The following RASSF1 variants were observed in gnomAD, a reference collection of about 807,000 sequenced individuals.
The protein encoded by RASSF1 is ras association domain-containing protein 1.
In RASSF1, 33 loss-of-function variants were observed where a neutral mutation model predicts 34.3. That is an observed-to-expected ratio of 0.96 (90% CI 0.73 to 1.29). RASSF1 has a LOEUF of 1.29. RASSF1 is among the 50% of genes most tolerant of loss of function. The pLI is 0.00. For missense variants in RASSF1, 445 were observed against 471.8 expected, an observed-to-expected ratio of 0.94 and a Z score of 0.53; for synonymous variants, 191 against 195.0, an observed-to-expected ratio of 0.98 and a Z score of 0.17.
At position 50,340,771 on chromosome 3, in the gene RASSF1, TC is replaced by T; in HGVS notation, c.34del (p.Glu12SerfsTer141). On this transcript the variant is annotated frameshift_variant, in exon 1 of 6. Coordinates refer to ENST00000359365, the MANE Select transcript of RASSF1 (RefSeq NM_007182.5). LOFTEE classifies it high-confidence loss of function. ...CCCAGCGCGCCCAGCGGGTGCCAGC[TC>T]CCGCAGCTCAATGAGCTCAGGCTCC... The part of the protein sequence containing the change: ...SGEPELIELR[E>X]LAPAGRAGKG... 1 of 1,512,980 alleles carries T rather than the reference TC, an allele frequency of 6.6e-7. No homozygotes were observed. The highest frequency in any genetic ancestry group is 8.8e-7 in the Non-Finnish European group (1 of 1,140,528). The allele number at this position is 1,512,980 out of a possible 1,614,324, so 93.7% of individuals were successfully genotyped here. A position where few individuals can be genotyped will look rare whatever the true frequency, so the allele number is the denominator to read the frequency against.
At chr3:50,334,013 A>G (rs587771853) in intron 2 of RASSF1, among the ~76,000 whole-genome samples, 1 of 152,340 alleles carries the variant, frequency 6.6e-6, no homozygotes, top group Admixed American at 6.5e-5. Context: ...TTGTCCCAGA[A>G]GAATTCCCAC....
intron 2 of RASSF1, chr3:50,337,615 G>T: frequency 8.9e-7 from 1 of 1,121,516 alleles, no homozygotes; most frequent in Non-Finnish European, 1.3e-6. Flanking sequence ...CCGGGCAAGC[G>T]CACAAGAGTG....
At chr3:50,337,669 G>A in intron 2 of RASSF1, 2 of 891,188 alleles carry the variant, frequency 2.2e-6, no homozygotes, top group African/African-American at 1.7e-5. Flanking sequence ...GGAAGTGCGC[G>A]TGCGCGGAGC....
At chr3:50,332,962 C>T (rs1702998804) in intron 2 of RASSF1, among the ~76,000 whole-genome samples, 1 of 152,114 alleles carries the variant, frequency 6.6e-6, no homozygotes, top group Non-Finnish European at 1.5e-5. Flanking sequence ...GGCGTGGTGG[C>T]ACATGCCTGT....
chr3:50,339,680 C>G lies in RASSF1; in HGVS notation c.250+876G>C, dbSNP rs587743046. 2.6e-5 allele frequency among the ~76,000 whole-genome samples: 4 copies of G among 152,226 alleles called. No individual in the cohort carries two copies. The South Asian group carries it at 6.2e-4, about 24-fold the overall frequency. Reference sequence around the variant, plus strand: ...CACCGCGCTCGGCCCCTTGTTCATTCTTTGCATTCTGTCACAACTTTGTGC... The same window carrying G: ...CACCGCGCTCGGCCCCTTGTTCATTGTTTGCATTCTGTCACAACTTTGTGC... On this transcript the variant is annotated intron_variant, in intron 1 of 5. Transcript: ENST00000359365.
rs1703189513 is a variant in RASSF1, at chr3:50,337,387, T to TGCGTGTACGCGTGTCAGTGTGCGC, written c.357+494_357+517dup. 8 of 1,595,076 alleles carry TGCGTGTACGCGTGTCAGTGTGCGC rather than the reference T, an allele frequency of 5.0e-6. No homozygotes were observed. The Middle Eastern group carries it at 8.3e-4, about 165-fold the overall frequency. ...CCAACCACCGCCCCGGTCGCGTGCG[T>TGCGTGTACGCGTGTCAGTGTGCGC]GCGTGTACGCGTGTCAGTGTGCGCG... is the stretch of plus-strand genomic sequence containing the variant. On this transcript the variant is annotated intron_variant, in intron 2 of 5. Coordinates refer to ENST00000359365, the MANE Select transcript of RASSF1 (RefSeq NM_007182.5).
At chr3:50,331,940 A>G in intron 3 of RASSF1, 84 bp from the exon 4 acceptor site, 2 of 1,556,844 alleles carry the variant, frequency 1.3e-6, no homozygotes, top group South Asian at 2.4e-5. Context: ...GTATGCACAA[A>G]TTACTGCTTG....
chr3:50,338,064 C>G (rs894717208), intron 1 of RASSF1, 53 bp from the exon 2 acceptor site: 4 of 1,540,872 alleles, frequency 2.6e-6, no homozygotes, highest in Non-Finnish European at 3.5e-6. Flanking sequence ...GGGAAATGTC[C>G]CGGAGATTGA....
At chr3:50,337,359 C>A (rs758018080) in intron 2 of RASSF1, 2 of 1,602,920 alleles carry the variant, frequency 1.2e-6, no homozygotes, top group Non-Finnish European at 1.7e-6. Context: ...GCGTCCGTAG[C>A]CGCCAACCAC....
chr3:50,340,554 AC>A lies in RASSF1; in HGVS notation c.250+1del. The A allele has an allele frequency of 6.6e-7, 1 of 1,516,050 alleles. No homozygotes were observed. The highest frequency in any genetic ancestry group is 8.8e-7 in the Non-Finnish European group (1 of 1,142,600). The allele number at this position is 1,516,050 out of a possible 1,614,324, so 93.9% of individuals were successfully genotyped here. On this transcript the variant is annotated splice_donor_variant, in intron 1 of 5. Coordinates refer to ENST00000359365, the MANE Select transcript of RASSF1 (RefSeq NM_007182.5). LOFTEE classifies it high-confidence loss of function. ...TCGTAGGCGCGCGGGGCCACTACTC[AC>A]GCGCGCACTGCAGGCCTTTGCGCAC...
At chr3:50,337,372 C>G in intron 2 of RASSF1, 1 of 1,600,238 alleles carries the variant, frequency 6.2e-7, no homozygotes, top group Non-Finnish European at 8.5e-7. Context: ...CCAACCACCG[C>G]CCCGGTCGCG....
chr3:50,338,758 G>C (rs1295843221), intron 1 of RASSF1, among the ~76,000 whole-genome samples: 1 of 151,992 alleles, frequency 6.6e-6, no homozygotes, highest in Admixed American at 6.6e-5. Flanking sequence ...CTCCAGCCAG[G>C]CTTGCCTCTT....
At chr3:50,333,964 G>T (rs1210223510) in intron 2 of RASSF1, among the ~76,000 whole-genome samples, 1 of 152,176 alleles carries the variant, frequency 6.6e-6, no homozygotes, top group African/African-American at 2.4e-5. Flanking sequence ...TAGAATGCGA[G>T]TGTCACAGAC....
At chr3:50,337,400 G>A (rs1703190177) in intron 2 of RASSF1, 1 of 1,588,632 alleles carries the variant, frequency 6.3e-7, no homozygotes, top group Non-Finnish European at 8.6e-7. Flanking sequence ...GTGTACGCGT[G>A]TCAGTGTGCG....
intron 2 of RASSF1, chr3:50,337,439 A>G: frequency 6.3e-7 from 1 of 1,576,794 alleles, no homozygotes; most frequent in Non-Finnish European, 8.6e-7. Flanking sequence ...CCGCGCCGCA[A>G]CCGTTAAGAC....
intron 5 of RASSF1, 82 bp downstream of exon 5, chr3:50,331,252 A>G (rs183253512): frequency 5.3e-5 from 59 of 1,122,804 alleles, no homozygotes; most frequent in Admixed American, 3.6e-4. Flanking sequence ...TTCCAGCACA[A>G]TTCCTCCTCC....
At position 50,330,807 on chromosome 3, in the gene RASSF1, C is replaced by T; in HGVS notation, c.877-80G>A. 1 of 1,466,492 alleles carries T rather than the reference C, an allele frequency of 6.8e-7. No individual in the cohort carries two copies. Among genetic ancestry groups the T allele is most frequent in the South Asian group, 1.2e-5 (1 of 81,728 alleles). The allele number at this position is 1,466,492 out of a possible 1,614,324, so 90.8% of individuals were successfully genotyped here. A position where few individuals can be genotyped will look rare whatever the true frequency, so the allele number is the denominator to read the frequency against. ...AGACCCTCCCCAGAGAAGACTAGCA[C>T]CTCATGTTCACACAAGCTAGGACTG... On this transcript the variant is annotated intron_variant, in intron 5 of 5. Coordinates refer to ENST00000359365, the MANE Select transcript of RASSF1 (RefSeq NM_007182.5). This position sits in a 1 kb window ranked among gnomAD's most constrained non-coding sequence, Gnocchi z 4.5.
At position 50,340,194 on chromosome 3, in the gene RASSF1, AAAGG is replaced by A. The variant is rs1444853630; in HGVS notation, c.250+358_250+361del. Among the ~76,000 whole-genome samples the A allele has an allele frequency of 8.5e-5, 13 of 152,276 alleles. No individual in the cohort carries two copies. In the East Asian group the frequency reaches 2.5e-3, roughly 29 times the overall value. On this transcript the variant is annotated intron_variant, in intron 1 of 5. Transcript: ENST00000359365. ...ATAGGTGGTAATTTCCCTTCACCCT[AAAGG>A]TTCTGGAGGGGGTCATGAGTGTTTG...
rs1553718202 is a variant in RASSF1, at chr3:50,330,701, T to C, written c.903A>G (p.Leu301=). The C allele has an allele frequency of 1.2e-6, 2 of 1,614,000 alleles. No homozygotes were observed. Among genetic ancestry groups the C allele is most frequent in the Admixed American group, 3.3e-5 (2 of 60,004 alleles). The part of the protein sequence containing the change: ...VNWDAFSMPE[L]HNFLRILQRE... The stretch of plus-strand genomic sequence containing the variant: ...GCTGCAGGATACGTAGGAAGTTATG[T>C]AGTTCAGGCATGCTGAAGGCGTCCC... Residue 301 remains leucine (L), a synonymous_variant, in exon 6 of 6, where the codon CTA becomes CTG. Coordinates refer to ENST00000359365, the MANE Select transcript of RASSF1 (RefSeq NM_007182.5). This position sits in a 1 kb window ranked among gnomAD's most constrained non-coding sequence, Gnocchi z 4.5.
Sources: gnomAD v4.1 joint callset for allele counts (sites outside exome capture counted in the v4.1 genomes callset) on GRCh38, gnomAD v4.1.1 for gene constraint, Gnocchi (gnomAD v3.1) non-coding constraint, MANE v1.5 for transcripts, NCBI Gene and HGNC (gene_info 2026-07-23, HGNC 2026-07-21) for gene names.